Variants in GIMAP1 observed in about 807,000 individuals in gnomAD.
GIMAP1 encodes GTPase, IMAP family member 1.
For missense variants in GIMAP1, 423 were observed against 411.9 expected, an observed-to-expected ratio of 1.03 and a Z score of -0.23; for synonymous variants, 230 against 187.7, an observed-to-expected ratio of 1.23 and a Z score of -1.84.
chr7:150,718,791 TAAA>T (rs948023062), intron 1 of GIMAP1, among the ~76,000 whole-genome samples: 4 of 152,200 alleles, frequency 2.6e-5, no homozygotes, highest in Admixed American at 1.3e-4. Context: ...AATCCTTACT[TAAA>T]GAAGGATTAG....
intron 2 of GIMAP1, among the ~76,000 whole-genome samples, chr7:150,719,686 C>A (rs1797267858): frequency 6.6e-6 from 1 of 152,190 alleles, no homozygotes; most frequent in Non-Finnish European, 1.5e-5. Flanking sequence ...CCACACAGCT[C>A]TTCACTACCA....
At chr7:150,718,817 T>G (rs1161127151) in intron 1 of GIMAP1, among the ~76,000 whole-genome samples, 1 of 152,190 alleles carries the variant, frequency 6.6e-6, no homozygotes, top group Non-Finnish European at 1.5e-5. Context: ...CAATGTATTA[T>G]ATTTGACGAA....
chr7:150,720,021 G>GT lies in GIMAP1; in HGVS notation c.44-26dup. ...CCAAGGGGAAGTTGGTTAAACTTAAGTAAGATTATAACACTTGGTCTCACA... is the reference window on the plus strand; with the variant it reads ...CCAAGGGGAAGTTGGTTAAACTTAAGTTAAGATTATAACACTTGGTCTCACA... On this transcript the variant is annotated intron_variant, in intron 2 of 2. Coordinates refer to ENST00000307194, the MANE Select transcript of GIMAP1 (RefSeq NM_130759.4). This position sits in a 1 kb window ranked among gnomAD's most constrained non-coding sequence, Gnocchi z 4.5. 1 of 1,523,478 alleles carries GT rather than the reference G, an allele frequency of 6.6e-7. No homozygotes were observed. The highest frequency in any genetic ancestry group is 8.8e-7 in the Non-Finnish European group (1 of 1,134,514). 94.4% of individuals were successfully genotyped at this position (1,523,478 alleles called of 1,614,324 possible).
intron 2 of GIMAP1, among the ~76,000 whole-genome samples, chr7:150,719,713 C>G (rs1417150810): frequency 6.6e-6 from 1 of 152,224 alleles, no homozygotes; most frequent in Non-Finnish European, 1.5e-5. Flanking sequence ...ATTGCCCCCA[C>G]TGCCTGTCTC....
In GIMAP1 at chr7:150,720,889, G is replaced by A. The variant is rs753450138; in HGVS notation, c.885G>A (p.Arg295=). 1.3e-6 allele frequency: 2 copies of A among 1,594,014 alleles called. No homozygotes were observed. The highest frequency in any genetic ancestry group is 8.5e-7 in the Non-Finnish European group (1 of 1,174,792). ...ALLFWVLLHR[R]WSEAVAEVGP... is the part of the protein sequence containing the mutation. ...TGTTCTGGGTGCTGCTCCACAGGCG[G>A]TGGTCGGAGGCCGTTGCGGAGGTCG... is the stretch of plus-strand genomic sequence containing the variant. The change falls in exon 3 of 3, where the codon CGG becomes CGA. Residue 295 remains arginine (R), a synonymous_variant. Coordinates refer to ENST00000307194, the MANE Select transcript of GIMAP1 (RefSeq NM_130759.4). The surrounding 1 kb of genome is among the most constrained non-coding windows in gnomAD (Gnocchi z 4.5).
At chr7:150,718,554 T>C (rs1255297543) in intron 1 of GIMAP1, among the ~76,000 whole-genome samples, 1 of 152,172 alleles carries the variant, frequency 6.6e-6, no homozygotes, top group African/African-American at 2.4e-5. Flanking sequence ...CCCCAGCTGC[T>C]GAATCCCCTG....
intron 2 of GIMAP1, 92 bp downstream of exon 2, chr7:150,719,182 A>T (rs1359962720): frequency 3.2e-6 from 5 of 1,551,422 alleles, no homozygotes. Flanking sequence ...CTGAACAGAG[A>T]TAAGTTCCAG....
chr7:150,720,073 G>A lies in GIMAP1; in HGVS notation c.69G>A (p.Arg23=), dbSNP rs765654115. The A allele has an allele frequency of 9.3e-6, 15 of 1,610,358 alleles. No homozygotes were observed. The highest frequency in any genetic ancestry group is 1.3e-5 in the Non-Finnish European group (15 of 1,178,116). ...GTTTAGAAGAGAACGCTCAGTCCCG[G>A]CAGGAGTCCACGCGGAGGCTCATCC... ...VYGLEENAQS[R]QESTRRLILV... The change falls in exon 3 of 3, where the codon CGG becomes CGA. Residue 23 remains arginine, a synonymous_variant. Coordinates refer to ENST00000307194, the MANE Select transcript of GIMAP1 (RefSeq NM_130759.4). The surrounding 1 kb of genome is among the most constrained non-coding windows in gnomAD (Gnocchi z 4.5).
chr7:150,720,427 G>A lies in GIMAP1; in HGVS notation c.423G>A (p.Glu141=), dbSNP rs1347801381. ...AVRQVRDMFG[E]DVLKWMVIVF... ...GGCAGGTGAGGGACATGTTCGGGGA[G>A]GACGTCCTAAAATGGATGGTCATCG... is the stretch of plus-strand genomic sequence containing the variant. Residue 141 remains glutamate (E), a synonymous_variant, in exon 3 of 3, where the codon GAG becomes GAA. Coordinates refer to ENST00000307194, the MANE Select transcript of GIMAP1 (RefSeq NM_130759.4). The surrounding 1 kb of genome is among the most constrained non-coding windows in gnomAD (Gnocchi z 4.5). The A allele has an allele frequency of 1.9e-6, 3 of 1,576,770 alleles. No individual in the cohort carries two copies. Among genetic ancestry groups the A allele is most frequent in the Non-Finnish European group, 2.6e-6 (3 of 1,159,862 alleles).
At position 150,720,729 on chromosome 7, in the gene GIMAP1, G is replaced by T. The variant is rs748312037; in HGVS notation, c.725G>T (p.Arg242Leu). The stretch of plus-strand genomic sequence containing the variant: ...GCAGGCCCTGAGGAGCGGCTCCGGC[G>T]GGTGGCGGAGCGCGTGGCAGCCAGG... ...RWAGPEERLRRVAERVAARVQ... is the reference protein window; with the variant it reads ...RWAGPEERLRLVAERVAARVQ... The change falls in exon 3 of 3, where the codon CGG (arginine) becomes CTG (leucine). Residue 242 changes from arginine (R) to leucine (L), a missense_variant. Transcript: ENST00000307194. The surrounding 1 kb of genome is among the most constrained non-coding windows in gnomAD (Gnocchi z 4.5). The T allele has an allele frequency of 3.8e-6, 6 of 1,569,064 alleles. No individual in the cohort carries two copies. In the African/African-American group the frequency reaches 8.1e-5, roughly 21 times the overall value.
rs1353705507 is a variant in GIMAP1, at chr7:150,720,620, G to T, written c.616G>T (p.Gly206Trp). 6.2e-7 allele frequency: 1 copy of T among 1,613,438 alleles called. No individual in the cohort carries two copies. The change falls in exon 3 of 3, where the codon GGG (glycine) becomes TGG (tryptophan). Residue 206 changes from glycine (G) to tryptophan (W), a missense_variant. Transcript: ENST00000307194. The surrounding 1 kb of genome is among the most constrained non-coding windows in gnomAD (Gnocchi z 4.5). Reference protein sequence around the residue: ...EQEAQVEQLLGMVEGLVLEHK... With the variant: ...EQEAQVEQLLWMVEGLVLEHK... ...GGAAGCCCAGGTGGAGCAGCTGCTG[G>T]GGATGGTCGAGGGCTTGGTGCTGGA...
rs1290515203 is a variant in GIMAP1 at position 150,720,544 on chromosome 7, G to C, written c.540G>C (p.Glu180Asp). The C allele has an allele frequency of 2.5e-6, 4 of 1,611,392 alleles. No homozygotes were observed. Among genetic ancestry groups the C allele is most frequent in the Non-Finnish European group, 3.4e-6 (4 of 1,178,730 alleles). Residue 180 changes from glutamate (E) to aspartate (D), a missense_variant, in exon 3 of 3, where the codon GAG (glutamate) becomes GAC (aspartate). By Grantham distance (45) the Glu-to-Asp change is conservative (BLOSUM62 2). Transcript: ENST00000307194. This position sits in a 1 kb window ranked among gnomAD's most constrained non-coding sequence, Gnocchi z 4.5. The part of the protein sequence containing the change: ...ENRALRELVA[E>D]CGGRVCAFDN... ...GGGCCTTGCGCGAGCTGGTGGCCGAGTGCGGGGGCCGGGTCTGTGCCTTTG... is the reference window on the plus strand; with the variant it reads ...GGGCCTTGCGCGAGCTGGTGGCCGACTGCGGGGGCCGGGTCTGTGCCTTTG...
Position 150,720,877 on chromosome 7 carries a change from GC to G in GIMAP1, c.874del (p.Leu292SerfsTer31). 1 of 1,600,718 alleles carries G rather than the reference GC, an allele frequency of 6.2e-7. No individual in the cohort carries two copies. The highest frequency in any genetic ancestry group is 8.5e-7 in the Non-Finnish European group (1 of 1,177,282). On this transcript the variant is annotated frameshift_variant, in exon 3 of 3. Coordinates refer to ENST00000307194, the MANE Select transcript of GIMAP1 (RefSeq NM_130759.4). LOFTEE classifies it low-confidence loss of function (END_TRUNC). This position sits in a 1 kb window ranked among gnomAD's most constrained non-coding sequence, Gnocchi z 4.5. The part of the protein sequence containing the change: ...LGGALLFWVL[L>X]HRRWSEAVAE... ...GGGGCGCGCTCCTGTTCTGGGTGCT[GC>G]TCCACAGGCGGTGGTCGGAGGCCGT...
intron 2 of GIMAP1, 44 bp downstream of exon 2, chr7:150,719,134 G>A: frequency 6.2e-7 from 1 of 1,612,930 alleles, no homozygotes; most frequent in Non-Finnish European, 8.5e-7. Context: ...CCCTAGGCTT[G>A]AACTTAGGGT....
Position 150,721,111 on chromosome 7 carries a change from A to G in GIMAP1, c.*186A>G, listed in dbSNP as rs1282774251. ...TCAGAGTTCACTTTTTAAGTTTTTA[A>G]CTCATTTTAAATGATGTGTATGCAG... On this transcript the variant is annotated 3_prime_UTR_variant, in exon 3 of 3. Transcript: ENST00000307194. 1 of 513,332 alleles carries G rather than the reference A, an allele frequency of 1.9e-6. No individual in the cohort carries two copies. The highest frequency in any genetic ancestry group is 3.8e-5 in the Admixed American group (1 of 26,266). 31.8% of individuals were successfully genotyped at this position (513,332 alleles called of 1,614,324 possible). A position where few individuals can be genotyped will look rare whatever the true frequency, so the allele number is the denominator to read the frequency against.
chr7:150,716,977 A>G (rs1045387079), intron 1 of GIMAP1, among the ~76,000 whole-genome samples: 1 of 152,094 alleles, frequency 6.6e-6, no homozygotes, highest in Admixed American at 6.5e-5. Flanking sequence ...GTGTGCTGGA[A>G]CCACCTCCAG....
At position 150,720,088 on chromosome 7, in the gene GIMAP1, G is replaced by C; in HGVS notation, c.84G>C (p.Arg28=). ...CTCAGTCCCGGCAGGAGTCCACGCG[G>C]AGGCTCATCCTTGTTGGGAGAACAG... ...ENAQSRQEST[R]RLILVGRTGA... The change falls in exon 3 of 3, where the codon CGG becomes CGC. Residue 28 remains arginine, a synonymous_variant. Transcript: ENST00000307194. This position sits in a 1 kb window ranked among gnomAD's most constrained non-coding sequence, Gnocchi z 4.5. 3 of 1,612,980 alleles carry C rather than the reference G, an allele frequency of 1.9e-6. No homozygotes were observed. The highest frequency in any genetic ancestry group is 2.5e-6 in the Non-Finnish European group (3 of 1,179,644).
At position 150,719,023 on chromosome 7, in the gene GIMAP1, G is replaced by A. The variant is rs1201407638; in HGVS notation, c.-6-19G>A. The A allele has an allele frequency of 1.9e-6, 3 of 1,614,108 alleles. No individual in the cohort carries two copies. The highest frequency in any genetic ancestry group is 2.5e-6 in the Non-Finnish European group (3 of 1,180,020). ...GAATAAATAAATGAATTAACAAATT[G>A]TGTTTGGGACTCTTCCAGGTAAGCA... On this transcript the variant is annotated intron_variant, in intron 1 of 2. Coordinates refer to ENST00000307194, the MANE Select transcript of GIMAP1 (RefSeq NM_130759.4).
chr7:150,717,610 T>G (rs1797236211), intron 1 of GIMAP1, among the ~76,000 whole-genome samples: 2 of 152,182 alleles, frequency 1.3e-5, no homozygotes, highest in South Asian at 4.1e-4. Context: ...TTCTAAACTA[T>G]GGAAAATTCC....
Sources: gnomAD v4.1 joint callset for allele counts (sites outside exome capture counted in the v4.1 genomes callset) on GRCh38, gnomAD v4.1.1 for gene constraint, Gnocchi (gnomAD v3.1) non-coding constraint, MANE v1.5 for transcripts, NCBI Gene and HGNC (gene_info 2026-07-23, HGNC 2026-07-21) for gene names.